The following AFG1L variants were observed in gnomAD, a reference collection of about 807,000 sequenced individuals.
The protein encoded by AFG1L is AFG1 like ATPase.
In AFG1L, 53 loss-of-function variants were observed where a neutral mutation model predicts 62.2. The observed-to-expected ratio is 0.85, with a 90% CI of 0.68 to 1.07. The LOEUF (loss-of-function observed/expected upper bound fraction) is 1.07. AFG1L is among the 50% of genes least tolerant of loss of function. The probability of loss-of-function intolerance (pLI) is 0.00; values close to 1 mark genes in which losing one functional copy is unlikely to be tolerated. For missense variants in AFG1L, 555 were observed against 590.5 expected (o/e 0.94, Z 0.62); for synonymous variants, 228 against 210.3 (o/e 1.08, Z -0.73).
intron 11 of AFG1L, among the ~76,000 whole-genome samples, chr6:108,511,592 T>C (rs1774654990): frequency 6.6e-6 from 1 of 152,250 alleles, no homozygotes; most frequent in Non-Finnish European, 1.5e-5. Flanking sequence ...ATTAGTAGAA[T>C]ATATCTGTAA....
At chr6:108,518,772 T>C (rs1017520303) in intron 11 of AFG1L, among the ~76,000 whole-genome samples, 2 of 152,260 alleles carry the variant, frequency 1.3e-5, no homozygotes, top group Non-Finnish European at 2.9e-5. Flanking sequence ...GAGATATTAA[T>C]GTAAATCTTA....
chr6:108,473,148 T>C (rs966679308), intron 8 of AFG1L, among the ~76,000 whole-genome samples: 5 of 152,196 alleles, frequency 3.3e-5, no homozygotes, highest in Admixed American at 6.5e-5. Context: ...TCTGAGTGAT[T>C]ATAATAGAAT....
Position 108,466,752 on chromosome 6 carries a change from T to TAA in AFG1L, c.891-10113_891-10112insAA, listed in dbSNP as rs778780210. On this transcript the variant is annotated intron_variant, in intron 8 of 12. Coordinates refer to ENST00000368977, the MANE Select transcript of AFG1L (RefSeq NM_145315.5). ...ATATATATATATTTTTTAAAATATA[T>TAA]TTGTTAAAATATATATATTTTAAAA... Among the ~76,000 whole-genome samples, 10 of 137,296 alleles carry TAA rather than the reference T, an allele frequency of 7.3e-5. No homozygotes were observed. The East Asian group carries it at 1.9e-3, about 26-fold the overall frequency. 90.1% of individuals were successfully genotyped at this position (137,296 alleles called of 152,430 possible).
At position 108,308,746 on chromosome 6, in the gene AFG1L, C is replaced by T. The variant is rs538226142; in HGVS notation, c.139+13528C>T. On this transcript the variant is annotated intron_variant, in intron 1 of 12. Coordinates refer to ENST00000368977, the MANE Select transcript of AFG1L (RefSeq NM_145315.5). ...TGAGACAGAGTCTCACTCTGTCATC[C>T]AGGCTGGAGTACAGTGGCACAATCT... Among the ~76,000 whole-genome samples, 6 of 151,952 alleles carry T rather than the reference C, an allele frequency of 3.9e-5. 1 individual carries two copies. In the South Asian group the frequency reaches 1.3e-3, roughly 32 times the overall value.
chr6:108,445,840 A>G (rs1282320379), intron 7 of AFG1L, among the ~76,000 whole-genome samples: 1 of 152,174 alleles, frequency 6.6e-6, no homozygotes, highest in East Asian at 1.9e-4. Context: ...ATAATTAATG[A>G]CATAATTTTT....
intron 8 of AFG1L, among the ~76,000 whole-genome samples, chr6:108,466,811 T>C (rs1772691587): frequency 6.7e-6 from 1 of 150,308 alleles, no homozygotes; most frequent in Non-Finnish European, 1.5e-5. Flanking sequence ...ATATATATGT[T>C]GTTTAAGCCA....
intron 7 of AFG1L, among the ~76,000 whole-genome samples, chr6:108,424,821 G>C (rs1046489520): frequency 6.6e-6 from 1 of 152,040 alleles, no homozygotes; most frequent in South Asian, 2.1e-4. Flanking sequence ...AATTTTGAAA[G>C]GACTCCTGTA....
intron 8 of AFG1L, among the ~76,000 whole-genome samples, chr6:108,463,105 A>G (rs1036529544): frequency 6.6e-6 from 1 of 152,030 alleles, no homozygotes; most frequent in Non-Finnish European, 1.5e-5. Context: ...CTTGGCCAAC[A>G]TGGTGAAACC....
At chr6:108,409,463 G>T (rs1782009007) in intron 7 of AFG1L, among the ~76,000 whole-genome samples, 1 of 152,120 alleles carries the variant, frequency 6.6e-6, no homozygotes, top group Admixed American at 6.6e-5. Context: ...GCAGGAGCGG[G>T]GGGAGAGGCA....
At position 108,348,185 on chromosome 6, in the gene AFG1L, TCTC is replaced by T. The variant is rs538005133; in HGVS notation, c.415+1149_415+1151del. Among the ~76,000 whole-genome samples, 1,390 of 152,306 alleles carry T rather than the reference TCTC, an allele frequency of 9.1e-3. 23 individuals carry two copies. The highest frequency in any genetic ancestry group is 0.032 in the African/African-American group (1,337 of 41,562). Reference sequence around the variant, plus strand: ...GCTCCGCCTCCCGGGTTCACGCCATTCTCCTGCCTCAGCCTCCCAAGTAGCTGG... The same window carrying T: ...GCTCCGCCTCCCGGGTTCACGCCATTCTGCCTCAGCCTCCCAAGTAGCTGG... On this transcript the variant is annotated intron_variant, in intron 3 of 12. Transcript: ENST00000368977.
At chr6:108,320,820 A>G (rs1777787968) in intron 1 of AFG1L, among the ~76,000 whole-genome samples, 1 of 152,100 alleles carries the variant, frequency 6.6e-6, no homozygotes, top group African/African-American at 2.4e-5. Context: ...GAGGGAATGA[A>G]TTAGAGAGTA....
At chr6:108,398,272 A>G (rs1781404029) in intron 6 of AFG1L, among the ~76,000 whole-genome samples, 1 of 152,164 alleles carries the variant, frequency 6.6e-6, no homozygotes, top group Admixed American at 6.5e-5. Flanking sequence ...TGTTTATTCA[A>G]ATCTTTTGCC....
intron 7 of AFG1L, among the ~76,000 whole-genome samples, chr6:108,412,617 T>C (rs1449071068): frequency 6.6e-6 from 1 of 152,180 alleles, no homozygotes; most frequent in Non-Finnish European, 1.5e-5. Flanking sequence ...TATTCAACAT[T>C]CTTAAAGAAA....
At chr6:108,399,769 CTT>C (rs757924406) in intron 6 of AFG1L, among the ~76,000 whole-genome samples, 5 of 42,686 alleles carry the variant, frequency 1.2e-4, no homozygotes, top group East Asian at 1.5e-3. Context: ...AAGTATCTCT[CTT>C]TTTTTTTTTT....
chr6:108,450,740 A>G (rs1235239996), intron 8 of AFG1L, among the ~76,000 whole-genome samples: 1 of 152,280 alleles, frequency 6.6e-6, no homozygotes, highest in East Asian at 1.9e-4. Flanking sequence ...TAGGTCTAAC[A>G]TTTAAGTCTT....
At chr6:108,324,472 A>T (rs1777952838) in intron 2 of AFG1L, among the ~76,000 whole-genome samples, 1 of 152,088 alleles carries the variant, frequency 6.6e-6, no homozygotes, top group African/African-American at 2.4e-5. Context: ...GCCTTAAGTG[A>T]CCAGTTAGTT....
intron 7 of AFG1L, among the ~76,000 whole-genome samples, chr6:108,416,932 T>A (rs1180609055): frequency 1.3e-5 from 2 of 151,202 alleles, no homozygotes; most frequent in East Asian, 3.9e-4. Context: ...ATAATAATAA[T>A]AAATAAATAA....
intron 8 of AFG1L, among the ~76,000 whole-genome samples, chr6:108,462,372 C>T (rs1432521064): frequency 6.6e-6 from 1 of 151,988 alleles, no homozygotes; most frequent in Non-Finnish European, 1.5e-5. Flanking sequence ...CCACTGCACT[C>T]CAGCCTGGGT....
intron 2 of AFG1L, among the ~76,000 whole-genome samples, chr6:108,337,169 G>A (rs931082571): frequency 6.6e-5 from 10 of 152,168 alleles, no homozygotes; most frequent in Admixed American, 3.9e-4. Flanking sequence ...AAGGAATGTA[G>A]CACGATCTAA....
Sources: allele counts gnomAD v4.1 joint callset (sites outside exome capture counted in the v4.1 genomes callset), GRCh38; gene constraint gnomAD v4.1.1; transcripts MANE v1.5; gene names NCBI Gene and HGNC (gene_info 2026-07-23, HGNC 2026-07-21).